Variants in PROCR observed in about 807,000 individuals in gnomAD.
PROCR encodes protein C receptor.
A neutral mutation model predicts 24.2 loss-of-function variants in PROCR; 22 were observed. The ratio of observed to expected loss-of-function variants is 0.91; its 90% CI spans 0.65 to 1.30. The LOEUF is 1.30. PROCR is among the 50% of genes most tolerant of loss of function. The pLI is 0.00. For synonymous variants in PROCR, 137 were observed against 139.2 expected (o/e 0.98, Z 0.11); for missense variants, 288 against 307.7 (o/e 0.94, Z 0.48).
In PROCR at chr20:35,177,112, A is replaced by C; in HGVS notation, c.*299A>C. Reference sequence around the variant, plus strand: ...ATAATGGAGTTGGGGCAGGAAGCCTATGGCCCATCCTCCAAAGACAGACAG... The same window carrying C: ...ATAATGGAGTTGGGGCAGGAAGCCTCTGGCCCATCCTCCAAAGACAGACAG... On this transcript the variant is annotated 3_prime_UTR_variant, in exon 4 of 4. Transcript: ENST00000216968. 8.3e-7 allele frequency: 1 copy of C among 1,210,808 alleles called. No individual in the cohort carries two copies. The highest frequency in any genetic ancestry group is 1.0e-6 in the Non-Finnish European group (1 of 957,630). 75.0% of individuals were successfully genotyped at this position (1,210,808 alleles called of 1,614,324 possible). A position where few individuals can be genotyped will look rare whatever the true frequency, so the allele number is the denominator to read the frequency against.
At position 35,176,929 on chromosome 20, in the gene PROCR, C is replaced by T; in HGVS notation, c.*116C>T. 1 of 1,531,472 alleles carries T rather than the reference C, an allele frequency of 6.5e-7. No homozygotes were observed. The highest frequency in any genetic ancestry group is 8.8e-7 in the Non-Finnish European group (1 of 1,137,238). The allele number at this position is 1,531,472 out of a possible 1,614,324, so 94.9% of individuals were successfully genotyped here. ...AACACCAGAAGGTTTGGAGTGACAG[C>T]TCCTTTCTTCTCCCACATCTGCCCA... On this transcript the variant is annotated 3_prime_UTR_variant, in exon 4 of 4. Transcript: ENST00000216968.
chr20:35,196,785 C>G (rs765686414), intron 1 of PROCR, among the ~76,000 whole-genome samples: 5 of 152,066 alleles, frequency 3.3e-5, no homozygotes, highest in Admixed American at 6.5e-5. Context: ...GAAGGAAGAG[C>G]AACAGAATTG....
chr20:35,201,003 G>A (rs889778147), intron 1 of PROCR, among the ~76,000 whole-genome samples: 3 of 152,130 alleles, frequency 2.0e-5, no homozygotes, highest in African/African-American at 7.2e-5. Context: ...GATTCACTTT[G>A]TTGCAATATT....
chr20:35,173,173 T>C (rs1158735858), intron 1 of PROCR, among the ~76,000 whole-genome samples: 2 of 152,144 alleles, frequency 1.3e-5, no homozygotes, highest in Non-Finnish European at 2.9e-5. Flanking sequence ...GGGCATCAAC[T>C]CTGTGCCAGC....
downstream of PROCR, chr20:35,177,505 A>G (rs553156983): frequency 1.6e-4 from 110 of 693,842 alleles, no homozygotes; most frequent in African/African-American, 2.3e-3. Context: ...CTGGAGTGCA[A>G]TGGTGTGATC....
chr20:35,204,302 G>A (rs1386596558), intron 1 of PROCR, among the ~76,000 whole-genome samples: 1 of 152,018 alleles, frequency 6.6e-6, no homozygotes, highest in Non-Finnish European at 1.5e-5. Context: ...TTCCAATGTA[G>A]AGAAGAAAAC....
intron 1 of PROCR, among the ~76,000 whole-genome samples, chr20:35,193,707 C>T (rs1316319988): frequency 6.6e-6 from 1 of 152,158 alleles, no homozygotes; most frequent in African/African-American, 2.4e-5. Flanking sequence ...GAAATGCATT[C>T]ATTATGTACA....
intron 1 of PROCR, 134 bp downstream of exon 1, chr20:35,172,358 A>G (rs1197038671): frequency 1.7e-6 from 2 of 1,149,968 alleles, no homozygotes; most frequent in Admixed American, 3.8e-5. Flanking sequence ...TCTACAGGGC[A>G]GGCAGAGTCT....
chr20:35,200,167 G>C (rs1164055823), intron 1 of PROCR, among the ~76,000 whole-genome samples: 3 of 152,200 alleles, frequency 2.0e-5, no homozygotes, highest in Admixed American at 2.0e-4. Flanking sequence ...TGTAAACACT[G>C]TTGAAATGAC....
intron 1 of PROCR, among the ~76,000 whole-genome samples, chr20:35,186,517 GATCGCGCC>G (rs1291032834): frequency 7.0e-6 from 1 of 142,408 alleles, no homozygotes; most frequent in East Asian, 2.1e-4. Flanking sequence ...GGTGAGCCAA[GATCGCGCC>G]ATTGCACTCC....
downstream of PROCR, among the ~76,000 whole-genome samples, chr20:35,182,302 T>C (rs1016858157): frequency 1.3e-5 from 2 of 152,162 alleles, no homozygotes; most frequent in Admixed American, 1.3e-4. Context: ...TAACTCTACA[T>C]ATATTATCTT....
Position 35,176,950 on chromosome 20 carries a change from G to A in PROCR, c.*137G>A. The A allele has an allele frequency of 6.6e-7, 1 of 1,515,626 alleles. No homozygotes were observed. Among genetic ancestry groups the A allele is most frequent in the Non-Finnish European group, 8.8e-7 (1 of 1,130,274 alleles). 93.9% of individuals were successfully genotyped at this position (1,515,626 alleles called of 1,614,324 possible). ...ACAGCTCCTTTCTTCTCCCACATCT[G>A]CCCACTGAAGATTTGAGGGAGGGGA... is the stretch of plus-strand genomic sequence containing the variant. On this transcript the variant is annotated 3_prime_UTR_variant, in exon 4 of 4. Transcript: ENST00000216968.
intron 1 of PROCR, among the ~76,000 whole-genome samples, chr20:35,197,492 T>C (rs2146169494): frequency 6.6e-6 from 1 of 152,224 alleles, no homozygotes; most frequent in African/African-American, 2.4e-5. Flanking sequence ...ATTAGGCCAA[T>C]GAATAACCCT....
chr20:35,174,646 C>G, intron 1 of PROCR, 56 bp from the exon 2 acceptor site: 1 of 1,609,110 alleles, frequency 6.2e-7, no homozygotes. Context: ...TATTATCTTC[C>G]GCTGCCCGCC....
intron 3 of PROCR, 123 bp from the exon 4 acceptor site, chr20:35,176,575 G>A (rs551413452): frequency 1.4e-5 from 22 of 1,589,880 alleles, no homozygotes; most frequent in Non-Finnish European, 1.6e-5. Flanking sequence ...CAGAACACAC[G>A]CAGCTTCAGT....
intron 1 of PROCR, among the ~76,000 whole-genome samples, chr20:35,213,948 G>A (rs2146184395): frequency 6.7e-6 from 1 of 148,936 alleles, no homozygotes; most frequent in East Asian, 1.9e-4. Flanking sequence ...TGTGGTGTTT[G>A]CCTGTAGTTC....
In PROCR at chr20:35,190,027, T is replaced by A. The variant is rs555977145; in HGVS notation, c.94+13581T>A. ...TATGTCATGAAAAATTTTATTGATA[T>A]GCTCAAAAAGCTTATTAGGAAAGAA... is the stretch of plus-strand genomic sequence containing the variant. On this transcript the variant is annotated intron_variant, in intron 1 of 1. Coordinates refer to the PROCR transcript ENST00000634509. Among the ~76,000 whole-genome samples the A allele has an allele frequency of 3.3e-5, 5 of 152,362 alleles. No homozygotes were observed. The East Asian group carries it at 9.6e-4, about 29-fold the overall frequency.
intron 1 of PROCR, among the ~76,000 whole-genome samples, chr20:35,212,564 G>A (rs544359500): frequency 3.9e-5 from 6 of 152,272 alleles, no homozygotes; most frequent in African/African-American, 9.6e-5. Context: ...GCTAAATCAA[G>A]GTCTTGTCGT....
At chr20:35,200,091 G>A (rs2060313108) in intron 1 of PROCR, among the ~76,000 whole-genome samples, 1 of 152,184 alleles carries the variant, frequency 6.6e-6, no homozygotes, top group East Asian at 1.9e-4. Context: ...TTAATGAGGA[G>A]TTGCTTCTTC....
Sources: allele counts gnomAD v4.1 joint callset (sites outside exome capture counted in the v4.1 genomes callset), GRCh38; gene constraint gnomAD v4.1.1; transcripts MANE v1.5; gene names NCBI Gene and HGNC (gene_info 2026-07-23, HGNC 2026-07-21).